Variants in SLX4IP observed in about 807,000 individuals in gnomAD.
The protein encoded by SLX4IP is protein SLX4IP.
Under a neutral mutation model 32.9 loss-of-function variants are expected in SLX4IP, and 34 were observed. That is an observed-to-expected ratio of 1.03 (90% CI 0.79 to 1.38). The LOEUF (loss-of-function observed/expected upper bound fraction) is 1.38. Among genes scored for constraint, SLX4IP ranks in the 40% most tolerant of loss-of-function variants. The pLI, the probability that SLX4IP is intolerant of heterozygous loss-of-function variation, is 0.00. For synonymous variants in SLX4IP, 172 were observed against 171.7 expected, an observed-to-expected ratio of 1.00 and a Z score of -0.01; for missense variants, 444 against 479.0, an observed-to-expected ratio of 0.93 and a Z score of 0.68.
chr20:10,452,136 T>C (rs1354067185), intron 1 of SLX4IP, among the ~76,000 whole-genome samples: 1 of 152,210 alleles, frequency 6.6e-6, no homozygotes, highest in Non-Finnish European at 1.5e-5. Flanking sequence ...AGTTCCATGC[T>C]CAAGGCTTGT....
chr20:10,511,862 T>G (rs2065810456), intron 2 of SLX4IP, among the ~76,000 whole-genome samples: 1 of 152,232 alleles, frequency 6.6e-6, no homozygotes, highest in African/African-American at 2.4e-5. Flanking sequence ...GTAATAATGT[T>G]CATTAAGTAT....
chr20:10,518,386 T>TCTTC (rs2065868686), intron 2 of SLX4IP, among the ~76,000 whole-genome samples: 1 of 143,032 alleles, frequency 7.0e-6, no homozygotes, highest in Admixed American at 7.2e-5. Context: ...TTTCTTTCCT[T>TCTTC]CTTCCTTTCT....
rs576623858 is a variant in SLX4IP at position 10,480,207 on chromosome 20, A to T, written c.27+21976A>T. Among the ~76,000 whole-genome samples, 697 of 152,290 alleles carry T rather than the reference A, an allele frequency of 4.6e-3. 4 individuals carry two copies. The highest frequency in any genetic ancestry group is 0.016 in the African/African-American group (661 of 41,554). On this transcript the variant is annotated intron_variant, in intron 2 of 7. Transcript: ENST00000334534. The stretch of plus-strand genomic sequence containing the variant: ...CAGGAGTCTGAGACCAGCCTGGGCA[A>T]CACGGTGAAATCCTGTCTCTACAAA...
chr20:10,475,388 T>C (rs1342997767), intron 2 of SLX4IP, among the ~76,000 whole-genome samples: 1 of 152,164 alleles, frequency 6.6e-6, no homozygotes, highest in Non-Finnish European at 1.5e-5. Flanking sequence ...GTCAAGGCTC[T>C]TTGGAAGGAA....
chr20:10,597,977 A>G (rs1483404163), intron 4 of SLX4IP, among the ~76,000 whole-genome samples: 4 of 152,244 alleles, frequency 2.6e-5, no homozygotes, highest in South Asian at 2.1e-4. Context: ...TAATTTATTT[A>G]CAGGCAAAAT....
At chr20:10,486,184 ATTTTTTTTT>A (rs34444606) in intron 2 of SLX4IP, among the ~76,000 whole-genome samples, 1 of 145,066 alleles carries the variant, frequency 6.9e-6, no homozygotes, top group African/African-American at 2.5e-5. Context: ...CCTTGCTTAA[ATTTTTTTTT>A]TTTTTTTTTA....
At chr20:10,530,648 G>A (rs2065981065) in intron 2 of SLX4IP, among the ~76,000 whole-genome samples, 1 of 152,214 alleles carries the variant, frequency 6.6e-6, no homozygotes, top group Admixed American at 6.5e-5. Context: ...CAACCATCTT[G>A]CTATAAATTA....
intron 2 of SLX4IP, among the ~76,000 whole-genome samples, chr20:10,550,648 C>T (rs943269698): frequency 2.0e-5 from 3 of 152,230 alleles, no homozygotes; most frequent in Non-Finnish European, 4.4e-5. Context: ...CTCAGCCTGT[C>T]CAGGGCCCCT....
intron 6 of SLX4IP, among the ~76,000 whole-genome samples, chr20:10,608,587 T>C (rs1025492025): frequency 7.0e-4 from 101 of 145,058 alleles, no homozygotes; most frequent in African/African-American, 2.5e-3. Context: ...GGTGGGAGAA[T>C]GGTGTGAACC....
intron 1 of SLX4IP, among the ~76,000 whole-genome samples, chr20:10,438,633 A>C (rs1002656626): frequency 1.3e-5 from 2 of 151,376 alleles, no homozygotes; most frequent in African/African-American, 4.9e-5. Flanking sequence ...TTCCTTCACC[A>C]TGCCCAGCTA....
chr20:10,445,244 A>T (rs919689704), intron 1 of SLX4IP, among the ~76,000 whole-genome samples: 1 of 151,346 alleles, frequency 6.6e-6, no homozygotes, highest in African/African-American at 2.4e-5. Context: ...GTTGGGAGGC[A>T]GGGGCACCTT....
chr20:10,571,021 TG>T (rs1361757291), intron 4 of SLX4IP, among the ~76,000 whole-genome samples: 1 of 151,958 alleles, frequency 6.6e-6, no homozygotes, highest in Non-Finnish European at 1.5e-5. Flanking sequence ...TTTGCAGAGA[TG>T]GAGTCTCACG....
intron 2 of SLX4IP, among the ~76,000 whole-genome samples, chr20:10,548,130 G>A (rs1168954804): frequency 2.6e-5 from 4 of 152,328 alleles, no homozygotes; most frequent in Middle Eastern, 3.4e-3. Context: ...GTAGAGAAAG[G>A]AGGTGGTTCA....
At chr20:10,529,023 T>C (rs2065962849) in intron 2 of SLX4IP, among the ~76,000 whole-genome samples, 1 of 152,232 alleles carries the variant, frequency 6.6e-6, no homozygotes, top group Non-Finnish European at 1.5e-5. Flanking sequence ...TAGTGATACG[T>C]CAGTGAATTG....
intron 2 of SLX4IP, among the ~76,000 whole-genome samples, chr20:10,503,699 G>A (rs2065737282): frequency 6.6e-6 from 1 of 152,180 alleles, no homozygotes; most frequent in Admixed American, 6.5e-5. Flanking sequence ...GATGCCAGAA[G>A]TCTGATATCA....
chr20:10,560,307 G>A (rs1414657159), intron 3 of SLX4IP, among the ~76,000 whole-genome samples: 1 of 152,222 alleles, frequency 6.6e-6, no homozygotes, highest in Admixed American at 6.5e-5. Context: ...GCCAGCCAGT[G>A]TTGGCTCTTC....
At chr20:10,487,264 C>T (rs2065582715) in intron 2 of SLX4IP, among the ~76,000 whole-genome samples, 1 of 152,140 alleles carries the variant, frequency 6.6e-6, no homozygotes, top group Admixed American at 6.6e-5. Flanking sequence ...TTTTCCAAGG[C>T]CAGCTGTAGA....
chr20:10,549,712 G>C (rs2066199640), intron 2 of SLX4IP, among the ~76,000 whole-genome samples: 1 of 152,170 alleles, frequency 6.6e-6, no homozygotes, highest in South Asian at 2.1e-4. Context: ...TCTTGGACTA[G>C]ACCTTCCCGA....
At chr20:10,589,363 A>C (rs1274972448) in intron 4 of SLX4IP, among the ~76,000 whole-genome samples, 1 of 152,212 alleles carries the variant, frequency 6.6e-6, no homozygotes, top group African/African-American at 2.4e-5. Context: ...AGGGCTTTTC[A>C]TGCAACTGGA....
Sources: gnomAD v4.1 joint callset for allele counts (sites outside exome capture counted in the v4.1 genomes callset) on GRCh38, gnomAD v4.1.1 for gene constraint, MANE v1.5 for transcripts, NCBI Gene and HGNC (gene_info 2026-07-23, HGNC 2026-07-21) for gene names.